The following WDFY4 variants were observed in gnomAD, a reference collection of about 807,000 sequenced individuals.
WDFY4 encodes the protein WD repeat- and FYVE domain-containing protein 4.
WDFY4 carries 169 observed loss-of-function variants against 351.9 expected under a neutral mutation model. The observed-to-expected ratio is 0.48, with a 90% CI of 0.42 to 0.55. The LOEUF (loss-of-function observed/expected upper bound fraction) is 0.55, where lower values mean the gene tolerates loss of function less well. WDFY4 is among the 20% of genes least tolerant of loss of function. The pLI is 0.00. For synonymous variants in WDFY4, 1,622 were observed against 1,574.6 expected, an observed-to-expected ratio of 1.03 and a Z score of -0.71; for missense variants, 3,803 against 3,935.6, an observed-to-expected ratio of 0.97 and a Z score of 0.90.
intron 43 of WDFY4, among the ~76,000 whole-genome samples, chr10:48,879,209 C>T (rs1014405693): frequency 3.3e-5 from 5 of 152,248 alleles, no homozygotes; most frequent in Non-Finnish European, 5.9e-5. Context: ...CCGTTCTCAA[C>T]TGGGGGCAAC....
At chr10:48,819,495 C>A (rs926399632) in intron 32 of WDFY4, among the ~76,000 whole-genome samples, 1 of 152,158 alleles carries the variant, frequency 6.6e-6, no homozygotes, top group Non-Finnish European at 1.5e-5. Context: ...GAGGTGCTAA[C>A]AGATGAATGC....
chr10:48,739,156 C>T (rs1214672418), intron 11 of WDFY4, among the ~76,000 whole-genome samples: 5 of 152,202 alleles, frequency 3.3e-5, no homozygotes, highest in Non-Finnish European at 7.3e-5. Flanking sequence ...ACCGGTATTC[C>T]ACCATGACAC....
At chr10:48,695,678 G>A (rs943009726) in intron 1 of WDFY4, among the ~76,000 whole-genome samples, 16 of 152,050 alleles carry the variant, frequency 1.1e-4, no homozygotes, top group Non-Finnish European at 4.4e-5. Flanking sequence ...AGCCCTGATC[G>A]GCTCCCAGTT....
chr10:48,723,164 TC>T (rs1159948158), intron 4 of WDFY4, among the ~76,000 whole-genome samples: 5 of 128,194 alleles, frequency 3.9e-5, no homozygotes, highest in Admixed American at 3.3e-4. Context: ...CCTCCCTCTC[TC>T]CCTCCCTCTC....
chr10:48,810,869 A>G (rs774600040), intron 29 of WDFY4, 134 bp downstream of exon 29: 87 of 935,456 alleles, frequency 9.3e-5, no homozygotes, highest in Non-Finnish European at 1.2e-4. Context: ...CCTGACTCCA[A>G]GGCCTACATC....
rs1206154453 is a variant in WDFY4, at chr10:48,787,858, T to TTCTTC, written c.3809-671_3809-670insCTTCT. The stretch of plus-strand genomic sequence containing the variant: ...CTTCTTCTTCTTCTTCTTCTTCTTC[T>TTCTTC]TTCTTCTTCTTTCTTCTTTCTTTCT... On this transcript the variant is annotated intron_variant, in intron 20 of 61. Transcript: ENST00000325239. Among the ~76,000 whole-genome samples the TTCTTC allele has an allele frequency of 2.1e-3, 139 of 66,026 alleles. 4 individuals carry two copies. Among genetic ancestry groups the TTCTTC allele is most frequent in the East Asian group, 0.01 (9 of 876 alleles). The allele number at this position is 66,026 out of a possible 152,430, so 43.3% of individuals were successfully genotyped here. A position where few individuals can be genotyped will look rare whatever the true frequency, so the allele number is the denominator to read the frequency against.
intron 24 of WDFY4, among the ~76,000 whole-genome samples, chr10:48,799,895 G>T (rs2067003594): frequency 2.0e-5 from 3 of 151,094 alleles, no homozygotes; most frequent in Middle Eastern, 3.4e-3. Flanking sequence ...TTTGTTTTTT[G>T]TTTTTTTTTG....
chr10:48,928,597 C>A (rs1839785543), intron 47 of WDFY4, among the ~76,000 whole-genome samples: 1 of 152,152 alleles, frequency 6.6e-6, no homozygotes, highest in Non-Finnish European at 1.5e-5. Context: ...ACACATTGCT[C>A]CTTTGAGCTG....
At chr10:48,917,462 T>C (rs1046969533) in intron 47 of WDFY4, among the ~76,000 whole-genome samples, 7 of 152,158 alleles carry the variant, frequency 4.6e-5, no homozygotes, top group African/African-American at 1.7e-4. Context: ...ATAATCAAAC[T>C]GCTCCAAATT....
At chr10:48,887,623 C>T (rs1211020010) in intron 43 of WDFY4, among the ~76,000 whole-genome samples, 1 of 151,856 alleles carries the variant, frequency 6.6e-6, no homozygotes, top group African/African-American at 2.4e-5. Flanking sequence ...CTAAAAAATA[C>T]AAAAAATTAG....
chr10:48,958,913 G>A (rs143375346), intron 52 of WDFY4, among the ~76,000 whole-genome samples: 11 of 152,304 alleles, frequency 7.2e-5, no homozygotes, highest in African/African-American at 2.6e-4. Context: ...AGAGAGCAGG[G>A]GAGCTTTTAT....
intron 47 of WDFY4, among the ~76,000 whole-genome samples, chr10:48,931,495 A>T (rs2943249): frequency 5.9e-5 from 9 of 152,174 alleles, no homozygotes; most frequent in Admixed American, 2.6e-4. Flanking sequence ...CTGTTGTGAG[A>T]GGGTGGCCCG....
At chr10:48,832,494 C>T (rs542637578) in intron 38 of WDFY4, 79 bp from the exon 39 acceptor site, 15 of 1,428,068 alleles carry the variant, frequency 1.1e-5, no homozygotes, top group East Asian at 2.7e-5. Context: ...CCTGGCTGGC[C>T]CTTTGAAAGC....
intron 47 of WDFY4, among the ~76,000 whole-genome samples, chr10:48,918,259 T>C (rs1838731882): frequency 6.6e-6 from 1 of 152,182 alleles, no homozygotes; most frequent in South Asian, 2.1e-4. Context: ...GAAAGTGACC[T>C]ACATGCTCCA....
At chr10:48,708,300 G>T (rs1038126955) in intron 1 of WDFY4, among the ~76,000 whole-genome samples, 1 of 152,152 alleles carries the variant, frequency 6.6e-6, no homozygotes, top group Non-Finnish European at 1.5e-5. Flanking sequence ...TATCCTTGCC[G>T]GTGTCACGTG....
intron 1 of WDFY4, among the ~76,000 whole-genome samples, chr10:48,706,690 T>C (rs2063638728): frequency 6.6e-6 from 1 of 152,254 alleles, no homozygotes; most frequent in South Asian, 2.1e-4. Context: ...GGAAAATTTA[T>C]CTATCTTTAG....
intron 49 of WDFY4, 149 bp downstream of exon 49, chr10:48,943,598 CTTT>C (rs373976945): frequency 4.8e-5 from 31 of 646,030 alleles, no homozygotes; most frequent in South Asian, 8.5e-5. Flanking sequence ...GCTCAGATCT[CTTT>C]TTTTTTTTTG....
At chr10:48,737,017 C>T (rs751975258) in intron 11 of WDFY4, among the ~76,000 whole-genome samples, 8 of 152,232 alleles carry the variant, frequency 5.3e-5, no homozygotes, top group Non-Finnish European at 1.2e-4. Context: ...CTTGCCATCT[C>T]TTCTGCCTTA....
intron 51 of WDFY4, among the ~76,000 whole-genome samples, chr10:48,950,430 G>A (rs776759960): frequency 2.0e-5 from 3 of 152,134 alleles, no homozygotes; most frequent in Non-Finnish European, 2.9e-5. Context: ...TTTATCATTC[G>A]TCCATGGCTG....
Sources: allele counts gnomAD v4.1 joint callset (sites outside exome capture counted in the v4.1 genomes callset), GRCh38; gene constraint gnomAD v4.1.1; transcripts MANE v1.5; gene names NCBI Gene and HGNC (gene_info 2026-07-23, HGNC 2026-07-21).